The following ZFAT variants were observed in gnomAD, a reference collection of about 807,000 sequenced individuals.
The protein encoded by ZFAT is zinc finger protein ZFAT.
A neutral mutation model predicts 117.7 loss-of-function variants in ZFAT; 64 were observed. That is an observed-to-expected ratio of 0.54 (90% confidence interval 0.44 to 0.67). The LOEUF (loss-of-function observed/expected upper bound fraction) is 0.67. Ranked by LOEUF, ZFAT falls within the 30% of genes least tolerant of loss-of-function variation. The pLI is 0.00. For missense variants in ZFAT, 1,433 were observed against 1,584.5 expected (o/e 0.90, Z 1.62); for synonymous variants, 679 against 615.0 (o/e 1.10, Z -1.54).
At chr8:134,763,306 T>C in the ZFAT span, among the ~76,000 whole-genome samples, 15 of 152,318 alleles carry the variant, frequency 9.8e-5, no homozygotes, top group Admixed American at 6.5e-4. Context: ...CTTAATCCCT[T>C]TCACTCGGTT....
chr8:134,558,906 T>C (rs1370834655), intron 11 of ZFAT, among the ~76,000 whole-genome samples: 2 of 152,242 alleles, frequency 1.3e-5, no homozygotes, highest in Non-Finnish European at 2.9e-5. Flanking sequence ...TGAAACTTCA[T>C]CTGCCTGGTT....
At chr8:134,528,504 T>TA (rs1821175041) in intron 12 of ZFAT, among the ~76,000 whole-genome samples, 2 of 152,348 alleles carry the variant, frequency 1.3e-5, no homozygotes, top group African/African-American at 2.4e-5. Flanking sequence ...GAATCTGGTG[T>TA]AAAAAACTAA....
At chr8:134,737,297 AAAATAAAAATAAAAAAAT>A in the ZFAT span, among the ~76,000 whole-genome samples, 2 of 120,840 alleles carry the variant, frequency 1.7e-5, no homozygotes, top group South Asian at 5.5e-4. Context: ...AATGAAAATA[AAAATAAAAATAAAAAAAT>A]AAAAATGTAG....
intron 4 of ZFAT, among the ~76,000 whole-genome samples, chr8:134,609,539 C>T (rs1028683373): frequency 1.3e-5 from 2 of 152,072 alleles, no homozygotes; most frequent in African/African-American, 4.8e-5. Flanking sequence ...TCTGCAGTGA[C>T]GTACAGAAGG....
rs527523007 is a variant in ZFAT, at chr8:134,709,800, A to C, written c.19+3045T>G. Among the ~76,000 whole-genome samples, 14 of 152,328 alleles carry C rather than the reference A, an allele frequency of 9.2e-5. No individual in the cohort carries two copies. The South Asian group carries it at 2.1e-3, about 23-fold the overall frequency. On this transcript the variant is annotated intron_variant, in intron 1 of 15. Transcript: ENST00000377838. ...AAGGTATGGGGAGAAAAGAAACAGG[A>C]ATCCTTTCACCGGAGGCAAATGAGA... is the stretch of plus-strand genomic sequence containing the variant.
chr8:134,815,641 T>A, the ZFAT span, among the ~76,000 whole-genome samples: 1 of 152,212 alleles, frequency 6.6e-6, no homozygotes, highest in Admixed American at 6.5e-5. Flanking sequence ...TCAGCACCTC[T>A]AGGCTTCATT....
At chr8:134,568,477 T>C (rs543937697) in intron 10 of ZFAT, among the ~76,000 whole-genome samples, 14 of 152,306 alleles carry the variant, frequency 9.2e-5, no homozygotes, top group African/African-American at 3.4e-4. Flanking sequence ...TCTTCACCAC[T>C]AGAGTGGGGG....
At chr8:134,821,550 A>T in the ZFAT span, among the ~76,000 whole-genome samples, 1 of 104,976 alleles carries the variant, frequency 9.5e-6, no homozygotes, top group African/African-American at 3.3e-5. Context: ...CATGCGGTTT[A>T]AAAAAAAAAA....
At chr8:134,501,372 T>G (rs1384410837) in intron 15 of ZFAT, among the ~76,000 whole-genome samples, 1 of 151,868 alleles carries the variant, frequency 6.6e-6, no homozygotes, top group Non-Finnish European at 1.5e-5. Context: ...AAGGATGGAG[T>G]GGGTGTGACA....
At chr8:134,623,269 C>T (rs1829261843) in intron 3 of ZFAT, among the ~76,000 whole-genome samples, 1 of 152,242 alleles carries the variant, frequency 6.6e-6, no homozygotes, top group South Asian at 2.1e-4. Flanking sequence ...CATCCGCTTC[C>T]TCCTTCAAGG....
intron 3 of ZFAT, among the ~76,000 whole-genome samples, chr8:134,635,588 T>C (rs1356023323): frequency 6.6e-6 from 1 of 151,690 alleles, no homozygotes; most frequent in Non-Finnish European, 1.5e-5. Context: ...GGGGCATGCA[T>C]ATGTATGCAT....
At chr8:134,534,859 A>G (rs1435450387) in intron 11 of ZFAT, among the ~76,000 whole-genome samples, 1 of 151,752 alleles carries the variant, frequency 6.6e-6, no homozygotes, top group Non-Finnish European at 1.5e-5. Context: ...CCTAAGTCAC[A>G]CTCCTTCCTC....
chr8:134,519,400 G>A (rs1820481424), intron 13 of ZFAT, among the ~76,000 whole-genome samples: 1 of 151,994 alleles, frequency 6.6e-6, no homozygotes, highest in Non-Finnish European at 1.5e-5. Context: ...TCAAATGGGG[G>A]TTTTGTTTCC....
intron 3 of ZFAT, among the ~76,000 whole-genome samples, chr8:134,626,815 C>A (rs1829547267): frequency 6.6e-6 from 1 of 152,238 alleles, no homozygotes; most frequent in Non-Finnish European, 1.5e-5. Flanking sequence ...AGCTTACTGT[C>A]ATTTATCTGA....
intron 3 of ZFAT, among the ~76,000 whole-genome samples, chr8:134,621,224 G>A (rs1385457998): frequency 1.3e-5 from 2 of 150,830 alleles, no homozygotes; most frequent in Non-Finnish European, 2.9e-5. Context: ...TCACAGGAAG[G>A]GAGGCCAGCA....
chr8:134,553,338 A>G (rs926110692), intron 11 of ZFAT, among the ~76,000 whole-genome samples: 3 of 152,198 alleles, frequency 2.0e-5, no homozygotes, highest in Non-Finnish European at 2.9e-5. Flanking sequence ...CCCCATCTCT[A>G]CTAAAAACAC....
In ZFAT at chr8:134,509,752, TAA is replaced by T; in HGVS notation, c.3362-5_3362-4del. On this transcript the variant is annotated splice_polypyrimidine_tract_variant and splice_region_variant and intron_variant, in intron 14 of 15. Coordinates refer to ENST00000377838, the MANE Select transcript of ZFAT (RefSeq NM_020863.4). ...GGCCGTGGGGTCCAGTCGGTCGCCT[TAA>T]GAGGAAGAAGCAAAGAGGACACCAT... The T allele has an allele frequency of 6.3e-7, 1 of 1,595,084 alleles. No individual in the cohort carries two copies. The highest frequency in any genetic ancestry group is 8.5e-7 in the Non-Finnish European group (1 of 1,173,182).
chr8:134,719,595 C>G, the ZFAT span, among the ~76,000 whole-genome samples: 4 of 152,098 alleles, frequency 2.6e-5, no homozygotes, highest in Non-Finnish European at 5.9e-5. Context: ...TGGGGAGTGG[C>G]AATGACACTA....
At chr8:134,673,762 T>TC (rs1832666127) in intron 1 of ZFAT, among the ~76,000 whole-genome samples, 1 of 152,180 alleles carries the variant, frequency 6.6e-6, no homozygotes, top group African/African-American at 2.4e-5. Context: ...CAAAAGGACA[T>TC]AAGTATTCCC....
Sources: allele counts gnomAD v4.1 joint callset (sites outside exome capture counted in the v4.1 genomes callset), GRCh38; gene constraint gnomAD v4.1.1; transcripts MANE v1.5; gene names NCBI Gene and HGNC (gene_info 2026-07-23, HGNC 2026-07-21).